Variants in KIAA0753 observed in about 807,000 individuals in gnomAD.
The protein encoded by KIAA0753 is KIAA0753, also known as protein moonraker.
KIAA0753 carries 114 observed loss-of-function variants against 116.9 expected under a neutral mutation model. The ratio of observed to expected loss-of-function variants is 0.98; its 90% CI spans 0.84 to 1.14. KIAA0753 has a LOEUF of 1.14. Among genes scored for constraint, KIAA0753 ranks in the 50% most tolerant of loss-of-function variants. The pLI, the probability that KIAA0753 is intolerant of heterozygous loss-of-function variation, is 0.00. For missense variants in KIAA0753, 1,156 were observed against 1,172.4 expected (o/e 0.99, Z 0.20); for synonymous variants, 405 against 413.1 (o/e 0.98, Z 0.24).
rs79246119 is a variant in KIAA0753 at position 6,614,647 on chromosome 17, T to C, written c.1316-2499A>G. Among the ~76,000 whole-genome samples, 1,255 of 152,194 alleles carry C rather than the reference T, an allele frequency of 8.2e-3. 21 individuals are homozygous for C. The highest frequency in any genetic ancestry group is 0.028 in the African/African-American group (1,147 of 41,514). On this transcript the variant is annotated intron_variant, in intron 7 of 18. Transcript: ENST00000361413. ...ATAGAATGACAATAGTAACTTCTAG[T>C]GAGGGAGAAAAGAGAATGGAATGAG...
rs1470349590 is a variant in KIAA0753 at position 6,620,898 on chromosome 17, A to G, written c.1205T>C (p.Leu402Ser). The part of the protein sequence containing the change: ...SRFPIGSQKA[L>S]ERWPSTSPKG... The stretch of plus-strand genomic sequence containing the variant: ...TGGTGATGTACTTGGCCATCTCTCC[A>G]AGGCCTTTTGGCTACCGATAGGAAA... Residue 402 changes from leucine to serine, a missense_variant, in exon 7 of 19, where the codon TTG becomes TCG. Leu to Ser is a moderately radical substitution (Grantham distance 145, BLOSUM62 -2). Coordinates refer to ENST00000361413, the MANE Select transcript of KIAA0753 (RefSeq NM_014804.3). The G allele has an allele frequency of 7.4e-6, 12 of 1,614,038 alleles. No homozygotes were observed. The highest frequency in any genetic ancestry group is 1.0e-5 in the Non-Finnish European group (12 of 1,180,004).
intron 12 of KIAA0753, among the ~76,000 whole-genome samples, chr17:6,601,906 A>T (rs934971833): frequency 6.6e-6 from 1 of 152,198 alleles, no homozygotes. Context: ...TGCTGCACAC[A>T]TATCTGGCAA....
chr17:6,601,828 A>T (rs996344448), intron 12 of KIAA0753, among the ~76,000 whole-genome samples: 1 of 152,208 alleles, frequency 6.6e-6, no homozygotes, highest in Non-Finnish European at 1.5e-5. Flanking sequence ...AGAATTTAAC[A>T]CTTTTAGTCA....
At chr17:6,626,475 T>C (rs75168365) in intron 3 of KIAA0753, among the ~76,000 whole-genome samples, 3,120 of 152,194 alleles carry the variant, frequency 0.021, 101 homozygotes, top group African/African-American at 0.07. Context: ...TTGGGCTGCA[T>C]GGTAGGGGAA....
At chr17:6,607,042 C>T (rs1178284633) in intron 11 of KIAA0753, 80 bp from the exon 12 acceptor site, 13 of 1,461,478 alleles carry the variant, frequency 8.9e-6, no homozygotes, top group Non-Finnish European at 1.2e-5. Context: ...CTTGGCTCCC[C>T]CCTTGGCTTC....
intron 4 of KIAA0753, among the ~76,000 whole-genome samples, chr17:6,624,539 C>CAA (rs900522712): frequency 1.2e-4 from 16 of 133,748 alleles, no homozygotes; most frequent in African/African-American, 4.1e-4. Context: ...TTTGGCGCCA[C>CAA]ACACACACAC....
chr17:6,582,362 A>G (rs12945502), intron 18 of KIAA0753, among the ~76,000 whole-genome samples: 34,475 of 152,188 alleles, frequency 0.23, 4,468 homozygotes, highest in East Asian at 0.42. Flanking sequence ...AATACAGTTA[A>G]GTTCATGTTT....
intron 7 of KIAA0753, among the ~76,000 whole-genome samples, chr17:6,615,748 G>A (rs892161739): frequency 6.6e-6 from 1 of 151,006 alleles, no homozygotes; most frequent in Non-Finnish European, 1.5e-5. Context: ...GCATAAAACA[G>A]CATGTTTCAG....
intron 1 of KIAA0753, chr17:6,640,384 G>C (rs914981405): frequency 2.0e-5 from 3 of 152,840 alleles, no homozygotes; most frequent in African/African-American, 7.2e-5. Context: ...CGCTCCCTAA[G>C]CTGCTCCACA....
chr17:6,612,685 T>C (rs894322027), intron 7 of KIAA0753, among the ~76,000 whole-genome samples: 7 of 152,174 alleles, frequency 4.6e-5, no homozygotes, highest in Non-Finnish European at 8.8e-5. Context: ...CTGGCCAACA[T>C]GGTGAAACCC....
At chr17:6,584,957 A>G (rs1172900973) in intron 18 of KIAA0753, among the ~76,000 whole-genome samples, 1 of 152,030 alleles carries the variant, frequency 6.6e-6, no homozygotes, top group Non-Finnish European at 1.5e-5. Flanking sequence ...ATGTACCACC[A>G]TGCCCAGCTA....
chr17:6,628,656 T>C lies in KIAA0753; in HGVS notation c.179A>G (p.Glu60Gly), dbSNP rs1971833392. The C allele has an allele frequency of 1.2e-6, 2 of 1,614,186 alleles. No homozygotes were observed. The highest frequency in any genetic ancestry group is 2.7e-5 in the African/African-American group (2 of 75,054). ...RYSCPHAIRIEKLKHSYNESY... is the reference protein window; with the variant it reads ...RYSCPHAIRIGKLKHSYNESY... ...TTCATTGTATGAGTGCTTCAGTTTT[T>C]CAATTCTAATGGCATGTGGGCAAGA... The change falls in exon 3 of 19, where the codon GAA becomes GGA. Residue 60 changes from glutamate (E) to glycine (G), a missense_variant. Physicochemically the swap from Glu to Gly is moderately conservative, Grantham distance 98. Transcript: ENST00000361413.
intron 16 of KIAA0753, among the ~76,000 whole-genome samples, chr17:6,591,040 GGAAGAAGAAGAAGAAGAAGAA>G (rs71157205): frequency 0.011 from 1,096 of 99,732 alleles, 66 homozygotes; most frequent in Middle Eastern, 0.027. Context: ...GAAGGAAGAA[GGAAGAAGAAGAAGAAGAAGAA>G]GAAGAAGAAG....
At chr17:6,610,240 C>A in intron 8 of KIAA0753, 80 bp from the exon 9 acceptor site, 1 of 1,409,144 alleles carries the variant, frequency 7.1e-7, no homozygotes, top group Non-Finnish European at 9.7e-7. Context: ...ACTGAAGCTC[C>A]AAGTTCTCCA....
At position 6,579,241 on chromosome 17, in the gene KIAA0753, C is replaced by G. The variant is rs939478901; in HGVS notation, c.*506G>C. ...TTTGGCAGCACAGCCAGACTGTGCT[C>G]TCCCTGAGTCTACAGCCTAGTAGGG... is the stretch of plus-strand genomic sequence containing the variant. On this transcript the variant is annotated 3_prime_UTR_variant, in exon 19 of 19. Transcript: ENST00000361413. 1 of 153,220 alleles carries G rather than the reference C, an allele frequency of 6.5e-6. No homozygotes were observed. The highest frequency in any genetic ancestry group is 1.5e-5 in the Non-Finnish European group (1 of 68,694). 9.5% of individuals were successfully genotyped at this position (153,220 alleles called of 1,614,324 possible).
intron 2 of KIAA0753, among the ~76,000 whole-genome samples, chr17:6,629,950 C>A (rs1971919266): frequency 6.6e-6 from 1 of 152,156 alleles, no homozygotes; most frequent in African/African-American, 2.4e-5. Flanking sequence ...AAAACCCCAT[C>A]TCTACTAAAA....
rs747201308 is a variant in KIAA0753 at position 6,611,960 on chromosome 17, G to A, written c.1504C>T (p.Pro502Ser). Residue 502 changes from proline (P) to serine (S), a missense_variant, in exon 8 of 19, where the codon CCG becomes TCG. Physicochemically the swap from Pro to Ser is moderately conservative, Grantham distance 74. Transcript: ENST00000361413. ...GKKKPVTENV[P>S]FRKKDTLAPA... Reference sequence around the variant, plus strand: ...GCCAGAGTATCTTTCTTCCTAAACGGCACATTCTCAGTCACAGGCTTCTTT... The same window carrying A: ...GCCAGAGTATCTTTCTTCCTAAACGACACATTCTCAGTCACAGGCTTCTTT... 3.1e-6 allele frequency: 5 copies of A among 1,614,006 alleles called. No homozygotes were observed. The South Asian group carries it at 3.3e-5, about 11-fold the overall frequency.
intron 12 of KIAA0753, among the ~76,000 whole-genome samples, chr17:6,605,121 T>G (rs1157937105): frequency 3.4e-5 from 5 of 146,060 alleles, no homozygotes; most frequent in African/African-American, 1.3e-4. Context: ...AGCAGCTACA[T>G]TAGCATGTGC....
At chr17:6,600,309 C>A in intron 13 of KIAA0753, 71 bp downstream of exon 13, 1 of 1,180,278 alleles carries the variant, frequency 8.5e-7, no homozygotes, top group Non-Finnish European at 1.3e-6. Context: ...ATCAATGAGA[C>A]CTCTGCAGCA....
Sources: allele counts gnomAD v4.1 joint callset (sites outside exome capture counted in the v4.1 genomes callset), GRCh38; gene constraint gnomAD v4.1.1; transcripts MANE v1.5; gene names NCBI Gene and HGNC (gene_info 2026-07-23, HGNC 2026-07-21).